The following PCGF3 variants were observed in gnomAD, a reference collection of about 807,000 sequenced individuals.
PCGF3 encodes polycomb group RING finger protein 3.
Under a neutral mutation model 33.1 loss-of-function variants are expected in PCGF3, and 7 were observed. That is an observed-to-expected ratio of 0.21 (90% CI 0.12 to 0.40). The LOEUF is 0.40. PCGF3 is among the 10% of genes least tolerant of loss of function. PCGF3 has a pLI of 1.00. For synonymous variants in PCGF3, 153 were observed against 121.3 expected, an observed-to-expected ratio of 1.26 and a Z score of -1.72; for missense variants, 211 against 313.3, an observed-to-expected ratio of 0.67 and a Z score of 2.46.
chr4:722,637 G>A (rs1336292462), intron 1 of PCGF3, among the ~76,000 whole-genome samples: 9 of 98,904 alleles, frequency 9.1e-5, no homozygotes, highest in Non-Finnish European at 1.2e-4. Flanking sequence ...ATCGCCGTCC[G>A]CGCCGGGTCC....
At chr4:737,421 G>A in intron 5 of PCGF3, 45 bp from the exon 6 acceptor site, 1 of 1,260,764 alleles carries the variant, frequency 7.9e-7, no homozygotes. Flanking sequence ...AAGAATTATA[G>A]AATTAACATT....
rs1034606152 is a variant in PCGF3 at position 720,268 on chromosome 4, G to T, written c.-189-10362G>T. On this transcript the variant is annotated intron_variant, in intron 1 of 10. Coordinates refer to ENST00000362003, the Ensembl canonical transcript of PCGF3. This position sits in a 1 kb window ranked among gnomAD's most constrained non-coding sequence, Gnocchi z 5.6. ...ACCGCGGGAGGAGCGCCCGTGCATC[G>T]CTGCAGAGGGTGACTGCGGGAGGAG... Among the ~76,000 whole-genome samples, 3 of 152,110 alleles carry T rather than the reference G, an allele frequency of 2.0e-5. No individual in the cohort carries two copies. The highest frequency in any genetic ancestry group is 7.2e-5 in the African/African-American group (3 of 41,434).
At chr4:753,925 C>G (rs1744648929) in intron 8 of PCGF3, among the ~76,000 whole-genome samples, 1 of 152,214 alleles carries the variant, frequency 6.6e-6, no homozygotes, top group South Asian at 2.1e-4. Context: ...AAGAGCGAGA[C>G]TCTGACCTTC....
At chr4:766,426 CTTCAG>C (rs1265763301) in exon 11 of PCGF3, 12 of 208,604 alleles carry the variant, frequency 5.8e-5, no homozygotes, top group African/African-American at 1.8e-4. Flanking sequence ...TCTGAATTCA[CTTCAG>C]TTTAGTTTAT....
intron 9 of PCGF3, chr4:762,836 G>A (rs1489060464): frequency 2.0e-5 from 3 of 152,278 alleles, no homozygotes; most frequent in Non-Finnish European, 2.9e-5. Context: ...GCAGCCGCAG[G>A]AGACTAATTC....
chr4:734,645 C>T, intron 4 of PCGF3: 2 of 1,272,910 alleles, frequency 1.6e-6, no homozygotes, highest in Non-Finnish European at 2.0e-6. Flanking sequence ...ACCCACAGCT[C>T]TGTCACCTTT....
chr4:734,730 G>A lies in PCGF3; in HGVS notation c.110-201G>A, dbSNP rs1040523252. 11 of 1,354,656 alleles carry A rather than the reference G, an allele frequency of 8.1e-6. No homozygotes were observed. The African/African-American group carries it at 8.9e-5, about 11-fold the overall frequency. The allele number at this position is 1,354,656 out of a possible 1,614,324, so 83.9% of individuals were successfully genotyped here. A position where few individuals can be genotyped will look rare whatever the true frequency, so the allele number is the denominator to read the frequency against. ...TGCCTCTTTGAGGAAGCCCATTGAC[G>A]GGGCAATTAAAACCTTCTCATTGCT... On this transcript the variant is annotated intron_variant, in intron 4 of 10. Coordinates refer to ENST00000362003, the Ensembl canonical transcript of PCGF3.
rs920582811 is a variant in PCGF3 at position 734,638 on chromosome 4, C to T, written c.110-293C>T. ...TGTTTTAGCCCATGTTCTGATGACC[C>T]ACAGCTCTGTCACCTTTGAGCATCA... On this transcript the variant is annotated intron_variant, in intron 4 of 10. Transcript: ENST00000362003. 8.4e-5 allele frequency: 106 copies of T among 1,258,778 alleles called. No individual in the cohort carries two copies. The Admixed American group carries it at 3.7e-3, about 44-fold the overall frequency. The allele number at this position is 1,258,778 out of a possible 1,614,324, so 78.0% of individuals were successfully genotyped here. A position where few individuals can be genotyped will look rare whatever the true frequency, so the allele number is the denominator to read the frequency against.
chr4:748,607 T>C (rs145296854), intron 8 of PCGF3, among the ~76,000 whole-genome samples: 1 of 152,282 alleles, frequency 6.6e-6, no homozygotes, highest in African/African-American at 2.4e-5. Context: ...TGTGGGTCAG[T>C]AGAGAAGAGC....
At chr4:769,540 A>G (rs945845945) in exon 11 of PCGF3, 2 of 152,704 alleles carry the variant, frequency 1.3e-5, no homozygotes, top group Non-Finnish European at 2.9e-5. Context: ...AATTGAGATA[A>G]GTAGATTAGA....
exon 11 of PCGF3, chr4:766,198 T>C: frequency 1.3e-6 from 1 of 757,618 alleles, no homozygotes. Context: ...AGAGAATATT[T>C]ATAACTTTTG....
At chr4:743,678 A>G in intron 7 of PCGF3, 94 bp downstream of exon 7, 1 of 726,240 alleles carries the variant, frequency 1.4e-6, no homozygotes, top group Non-Finnish European at 2.4e-6. Flanking sequence ...CCCCTCCCAC[A>G]CGCACTCACG....
chr4:726,991 T>C (rs375973910), intron 1 of PCGF3, among the ~76,000 whole-genome samples: 1 of 152,140 alleles, frequency 6.6e-6, no homozygotes. Context: ...TGGAATTGAG[T>C]GGCGTGTGGG....
At chr4:735,985 C>T (rs1451289433) in intron 5 of PCGF3, among the ~76,000 whole-genome samples, 4 of 152,178 alleles carry the variant, frequency 2.6e-5, no homozygotes, top group African/African-American at 9.7e-5. Flanking sequence ...ATTCTGAAGA[C>T]ACATTTTGAA....
intron 8 of PCGF3, among the ~76,000 whole-genome samples, chr4:751,229 C>T (rs1181996331): frequency 6.6e-6 from 1 of 152,116 alleles, no homozygotes; most frequent in African/African-American, 2.4e-5. Context: ...TCCTGATCTC[C>T]GTCTTCCAAA....
chr4:734,643 C>T, intron 4 of PCGF3: 2 of 1,269,578 alleles, frequency 1.6e-6, no homozygotes, highest in Non-Finnish European at 2.0e-6. Flanking sequence ...TGACCCACAG[C>T]TCTGTCACCT....
chr4:738,805 G>C (rs895289415), intron 6 of PCGF3, among the ~76,000 whole-genome samples: 2 of 152,156 alleles, frequency 1.3e-5, no homozygotes, highest in Non-Finnish European at 2.9e-5. Context: ...GTTGCAGTGA[G>C]CTGAGATCGC....
chr4:768,848 TTGTA>T (rs1302122335), exon 11 of PCGF3: 3 of 152,668 alleles, frequency 2.0e-5, no homozygotes, highest in South Asian at 2.1e-4. Context: ...AGCTTTTAAT[TTGTA>T]TGTTTTTATG....
At chr4:725,173 GT>G (rs1743271841) in intron 1 of PCGF3, 1 of 152,342 alleles carries the variant, frequency 6.6e-6, no homozygotes, top group Non-Finnish European at 1.5e-5. Context: ...TCTGTGGTTG[GT>G]TTTGATGAGG....
Sources: allele counts gnomAD v4.1 joint callset (sites outside exome capture counted in the v4.1 genomes callset), GRCh38; gene constraint gnomAD v4.1.1; non-coding constraint Gnocchi (gnomAD v3.1); transcripts MANE v1.5; gene names NCBI Gene and HGNC (gene_info 2026-07-23, HGNC 2026-07-21).